COL26A1: variants seen among roughly 807,000 people sequenced by gnomAD.
COL26A1 encodes the protein collagen type XXVI alpha 1 chain.
In COL26A1, 41 loss-of-function variants were observed where a neutral mutation model predicts 59.3. The observed-to-expected ratio is 0.69, with a 90% CI of 0.54 to 0.90. The LOEUF (loss-of-function observed/expected upper bound fraction) is 0.90, where lower values mean the gene tolerates loss of function less well. Ranked by LOEUF, COL26A1 falls within the 40% of genes least tolerant of loss-of-function variation. COL26A1 has a pLI of 0.00. For missense variants in COL26A1, 612 were observed against 602.3 expected, an observed-to-expected ratio of 1.02 and a Z score of -0.17; for synonymous variants, 266 against 256.0, an observed-to-expected ratio of 1.04 and a Z score of -0.37.
rs1379940758 is a variant in COL26A1, at chr7:101,419,169, T to G, written c.159-808T>G. On this transcript the variant is annotated intron_variant, in intron 1 of 12. Transcript: ENST00000313669. ...TTTCACTCTGTTGCCCAGGCTGTAGTGAAGTAGCATGATCATAGCCACTAT... is the reference window on the plus strand; with the variant it reads ...TTTCACTCTGTTGCCCAGGCTGTAGGGAAGTAGCATGATCATAGCCACTAT... Among the ~76,000 whole-genome samples the G allele has an allele frequency of 2.7e-5, 4 of 146,278 alleles. No homozygotes were observed. The East Asian group carries it at 8.7e-4, about 32-fold the overall frequency.
At position 101,388,974 on chromosome 7, in the gene COL26A1, A is replaced by G. The variant is rs1791660113; in HGVS notation, c.158+25784A>G. 2.7e-5 allele frequency: 8 copies of G among 295,552 alleles called. 1 individual carries two copies. Among genetic ancestry groups the G allele is most frequent in the Non-Finnish European group, 5.2e-5 (8 of 153,718 alleles). The allele number at this position is 295,552 out of a possible 1,614,324, so 18.3% of individuals were successfully genotyped here. ...ATATCTACCAATTCCTCTGACAAGG[A>G]CAGGATTTTGGCCGCCATGGGGCTT... On this transcript the variant is annotated intron_variant, in intron 1 of 12. Transcript: ENST00000313669.
chr7:101,394,377 CAGTT>C (rs113157092), intron 1 of COL26A1, among the ~76,000 whole-genome samples: 7,753 of 151,942 alleles, frequency 0.051, 639 homozygotes, highest in African/African-American at 0.18. Flanking sequence ...TTAAGTCACT[CAGTT>C]GGTGGTAATT....
At chr7:101,412,711 C>G (rs1792272589) in intron 1 of COL26A1, among the ~76,000 whole-genome samples, 1 of 151,060 alleles carries the variant, frequency 6.6e-6, no homozygotes, top group African/African-American at 2.4e-5. Flanking sequence ...AGCTGCTACT[C>G]TGGGCACACT....
In COL26A1 at chr7:101,416,386, C is replaced by T. The variant is rs1442712817; in HGVS notation, c.159-3591C>T. 1.0e-4 allele frequency among the ~76,000 whole-genome samples: 15 copies of T among 143,716 alleles called. 1 individual carries two copies. The highest frequency in any genetic ancestry group is 1.7e-4 in the Non-Finnish European group (11 of 63,356). 94.3% of individuals were successfully genotyped at this position (143,716 alleles called of 152,430 possible). A position where few individuals can be genotyped will look rare whatever the true frequency, so the allele number is the denominator to read the frequency against. ...CTGACCTCAAGTGATCCACCCACCT[C>T]GGCCTCCCAAAGTACTGGGATTACA... On this transcript the variant is annotated intron_variant, in intron 1 of 12. Coordinates refer to ENST00000313669, the MANE Select transcript of COL26A1 (RefSeq NM_001278563.3).
chr7:101,397,464 T>C (rs1278891828), intron 1 of COL26A1, among the ~76,000 whole-genome samples: 1 of 150,216 alleles, frequency 6.7e-6, no homozygotes, highest in African/African-American at 2.4e-5. Flanking sequence ...CTTTCTTTGC[T>C]CTCCTTCCTT....
chr7:101,492,952 C>T (rs1318877932), intron 3 of COL26A1, among the ~76,000 whole-genome samples: 1 of 151,952 alleles, frequency 6.6e-6, no homozygotes. Flanking sequence ...GTCTCAAACT[C>T]CTGGGCTCAA....
intron 3 of COL26A1, among the ~76,000 whole-genome samples, chr7:101,493,255 G>A (rs114657952): frequency 6.7e-4 from 8 of 11,898 alleles, no homozygotes; most frequent in South Asian, 3.9e-3. Flanking sequence ...TCCCCACCCC[G>A]CCCACTCTAT....
intron 3 of COL26A1, among the ~76,000 whole-genome samples, chr7:101,489,566 A>C (rs1794338798): frequency 6.6e-6 from 1 of 151,988 alleles, no homozygotes; most frequent in Non-Finnish European, 1.5e-5. Context: ...AAGTAGCTGG[A>C]GGTATGCACC....
chr7:101,377,452 T>TCTCA (rs1257957448), intron 1 of COL26A1, among the ~76,000 whole-genome samples: 1 of 152,026 alleles, frequency 6.6e-6, no homozygotes, highest in Non-Finnish European at 1.5e-5. Context: ...GGAGCCAGGG[T>TCTCA]CTCACTCTGT....
In COL26A1 at chr7:101,421,222, A is replaced by G. The variant is rs529858858; in HGVS notation, c.281+1123A>G. Among the ~76,000 whole-genome samples, 7 of 152,254 alleles carry G rather than the reference A, an allele frequency of 4.6e-5. No individual in the cohort carries two copies. The East Asian group carries it at 1.3e-3, about 29-fold the overall frequency. Reference sequence around the variant, plus strand: ...AGGGTGGGCTGGCTGGCTGAGACCCAGGGAGGAGAGCTGATGTTGCAGCTT... The same window carrying G: ...AGGGTGGGCTGGCTGGCTGAGACCCGGGGAGGAGAGCTGATGTTGCAGCTT... On this transcript the variant is annotated intron_variant, in intron 2 of 12. Coordinates refer to ENST00000313669, the MANE Select transcript of COL26A1 (RefSeq NM_001278563.3).
chr7:101,429,589 C>CTTTTTTTTTTT lies in COL26A1; in HGVS notation c.281+9501_281+9511dup, dbSNP rs58432413. 9.0e-4 allele frequency among the ~76,000 whole-genome samples: 71 copies of CTTTTTTTTTTT among 78,678 alleles called. 2 individuals are homozygous for CTTTTTTTTTTT. The highest frequency in any genetic ancestry group is 2.7e-3 in the South Asian group (6 of 2,186). 51.6% of individuals were successfully genotyped at this position (78,678 alleles called of 152,430 possible). A position where few individuals can be genotyped will look rare whatever the true frequency, so the allele number is the denominator to read the frequency against. On this transcript the variant is annotated intron_variant, in intron 2 of 12. Coordinates refer to ENST00000313669, the MANE Select transcript of COL26A1 (RefSeq NM_001278563.3). Reference sequence around the variant, plus strand: ...ATTCTTTTTTTTCCTTTCTTTTTTACTTTTTTTTTTTTTTTTTTTTTGAGA... The same window carrying CTTTTTTTTTTT: ...ATTCTTTTTTTTCCTTTCTTTTTTACTTTTTTTTTTTTTTTTTTTTTTTTTTTTTTTTGAGA...
chr7:101,524,511 GTGTAACACACCAGCTGCAATTTT>G (rs543151951), intron 3 of COL26A1, among the ~76,000 whole-genome samples: 223 of 152,280 alleles, frequency 1.5e-3, no homozygotes, highest in African/African-American at 5.2e-3. Context: ...CAATGTACTA[GTGTAACACACCAGCTGCAATTTT>G]TACTGGGATG....
chr7:101,395,707 G>C (rs1220035192), intron 1 of COL26A1, among the ~76,000 whole-genome samples: 1 of 152,184 alleles, frequency 6.6e-6, no homozygotes, highest in Admixed American at 6.5e-5. Context: ...TGTCGGACTT[G>C]AGCACAGCAG....
Position 101,363,181 on chromosome 7 carries a change from C to G in COL26A1, c.149C>G (p.Ala50Gly), listed in dbSNP as rs1375550165. The change falls in exon 1 of 13, where the codon GCG (alanine) becomes GGG (glycine). Residue 50 changes from alanine (A) to glycine (G), a missense_variant. Ala to Gly is a moderately conservative substitution (Grantham distance 60). Transcript: ENST00000313669. The part of the protein sequence containing the change: ...PGAGSPGSGY[A>G]SRRHWCHHTV... ...GCCGGCTCCCCTGGCAGCGGCTACG[C>G]GAGCCGCCGGTGAGTAGCTCGGGGC... The G allele has an allele frequency of 8.8e-6, 13 of 1,482,570 alleles. No individual in the cohort carries two copies. The East Asian group carries it at 2.8e-4, about 32-fold the overall frequency. The allele number at this position is 1,482,570 out of a possible 1,614,324, so 91.8% of individuals were successfully genotyped here. A position where few individuals can be genotyped will look rare whatever the true frequency, so the allele number is the denominator to read the frequency against.
At chr7:101,557,015 G>T (rs1274350795) in intron 12 of COL26A1, among the ~76,000 whole-genome samples, 1 of 52,622 alleles carries the variant, frequency 1.9e-5, no homozygotes, top group Non-Finnish European at 5.2e-5. Context: ...ATGGATGGAT[G>T]GATGGATGGA....
intron 4 of COL26A1, among the ~76,000 whole-genome samples, chr7:101,537,696 G>T (rs1463254995): frequency 6.6e-6 from 1 of 152,114 alleles, no homozygotes; most frequent in African/African-American, 2.4e-5. Context: ...GTCACTTCGG[G>T]GGAAGCCAGA....
intron 3 of COL26A1, among the ~76,000 whole-genome samples, chr7:101,463,737 C>A (rs1290191279): frequency 9.4e-6 from 1 of 106,380 alleles, no homozygotes; most frequent in Non-Finnish European, 1.9e-5. Flanking sequence ...CTCTCTCCCC[C>A]CTCCCTTCCT....
rs193030463 is a variant in COL26A1 at position 101,532,368 on chromosome 7, A to C, written c.386-714A>C. Among the ~76,000 whole-genome samples the C allele has an allele frequency of 1.5e-3, 227 of 152,178 alleles. 5 individuals carry two copies. The highest frequency in any genetic ancestry group is 0.015 in the Admixed American group (226 of 15,280). On this transcript the variant is annotated intron_variant, in intron 3 of 12. Coordinates refer to ENST00000313669, the MANE Select transcript of COL26A1 (RefSeq NM_001278563.3). ...TACAGACACTGCCACAGCCCTTCCC[A>C]GGCCCCTGGTGTTAGAGATCCTTGA... is the stretch of plus-strand genomic sequence containing the variant.
intron 3 of COL26A1, among the ~76,000 whole-genome samples, chr7:101,515,366 C>A (rs1339333475): frequency 1.3e-5 from 2 of 151,562 alleles, no homozygotes; most frequent in South Asian, 2.1e-4. Flanking sequence ...CTCGCTGCAA[C>A]CTACAACTTC....
Sources: allele counts gnomAD v4.1 joint callset (sites outside exome capture counted in the v4.1 genomes callset), GRCh38; gene constraint gnomAD v4.1.1; transcripts MANE v1.5; gene names NCBI Gene and HGNC (gene_info 2026-07-23, HGNC 2026-07-21).